The following PDZD2 variants were observed in gnomAD, a reference collection of about 807,000 sequenced individuals.
PDZD2 encodes PDZ domain containing 2.
In PDZD2, 90 loss-of-function variants were observed where a neutral mutation model predicts 220.7. The observed-to-expected ratio is 0.41, with a 90% confidence interval of 0.34 to 0.49. The LOEUF is 0.49. Among genes scored for constraint, PDZD2 ranks in the 20% least tolerant of loss-of-function variants. The pLI is 0.28. For missense variants in PDZD2, 3,174 were observed against 3,608.5 expected, an observed-to-expected ratio of 0.88 and a Z score of 3.08; for synonymous variants, 1,375 against 1,450.5, an observed-to-expected ratio of 0.95 and a Z score of 1.18.
Position 32,090,260 on chromosome 5 carries a change from T to C in PDZD2, c.6812T>C (p.Leu2271Pro). 1 of 1,614,188 alleles carries C rather than the reference T, an allele frequency of 6.2e-7. No individual in the cohort carries two copies. Among genetic ancestry groups the C allele is most frequent in the Non-Finnish European group, 8.5e-7 (1 of 1,180,028 alleles). The stretch of plus-strand genomic sequence containing the variant: ...GCATCCAGAGGTGGTCTTCCCAGCC[T>C]GGCTAATGGACAGGGCATATATAGT... ...AKASRGGLPS[L>P]ANGQGIYSVK... The change falls in exon 20 of 25, where the codon CTG becomes CCG. Residue 2271 changes from leucine (L) to proline (P), a missense_variant. By Grantham distance (98) the Leu-to-Pro change is moderately conservative (BLOSUM62 -3). Transcript: ENST00000438447. The surrounding 1 kb of genome is among the most constrained non-coding windows in gnomAD (Gnocchi z 4.3).
At position 31,771,469 on chromosome 5, in the gene PDZD2, A is replaced by G. The variant is rs540824058; in HGVS notation, c.-360-27420A>G. Among the ~76,000 whole-genome samples, 173 of 152,224 alleles carry G rather than the reference A, an allele frequency of 1.1e-3. 7 individuals carry two copies. The South Asian group carries it at 0.034, about 30-fold the overall frequency. On this transcript the variant is annotated intron_variant, in intron 1 of 24. Transcript: ENST00000438447. ...GCCACCAAGATCTATGTAGATTTGC[A>G]TTGTGTGTGCACTGTGTAGATTTGT...
chr5:31,659,956 T>C (rs1745697353), intron 1 of PDZD2, among the ~76,000 whole-genome samples: 1 of 152,162 alleles, frequency 6.6e-6, no homozygotes, highest in African/African-American at 2.4e-5. Flanking sequence ...TCATTTAAGC[T>C]CCCTAATAGA....
At chr5:31,888,087 T>TA (rs753322477) in intron 2 of PDZD2, among the ~76,000 whole-genome samples, 9 of 152,180 alleles carry the variant, frequency 5.9e-5, no homozygotes, top group Non-Finnish European at 1.3e-4. Flanking sequence ...ATGGCGCAGA[T>TA]ATTGCCCATA....
At chr5:31,725,826 A>C (rs1309785516) in intron 1 of PDZD2, 2 of 840,916 alleles carry the variant, frequency 2.4e-6, no homozygotes, top group African/African-American at 3.3e-5. Flanking sequence ...TGGTGTTTGA[A>C]TCTCTCATTG....
chr5:31,809,445 G>A (rs973377386), intron 2 of PDZD2, among the ~76,000 whole-genome samples: 26 of 152,212 alleles, frequency 1.7e-4, no homozygotes, highest in Non-Finnish European at 2.6e-4. Flanking sequence ...GGCCCTGGGA[G>A]GTGCCCCATT....
chr5:31,783,346 A>C (rs955153020), intron 1 of PDZD2, among the ~76,000 whole-genome samples: 1 of 152,142 alleles, frequency 6.6e-6, no homozygotes, highest in Non-Finnish European at 1.5e-5. Flanking sequence ...ACGGGAGGGA[A>C]GGATGAGGAC....
At chr5:31,945,180 T>C (rs1441996690) in intron 2 of PDZD2, among the ~76,000 whole-genome samples, 1 of 152,208 alleles carries the variant, frequency 6.6e-6, no homozygotes, top group Non-Finnish European at 1.5e-5. Flanking sequence ...TCTGACCGAC[T>C]ATGCCCTAAT....
chr5:32,033,117 T>C (rs1755250210), intron 6 of PDZD2, among the ~76,000 whole-genome samples: 1 of 152,212 alleles, frequency 6.6e-6, no homozygotes, highest in African/African-American at 2.4e-5. Flanking sequence ...TCATGAATAA[T>C]AGATTTTATC....
intron 1 of PDZD2, among the ~76,000 whole-genome samples, chr5:31,763,242 C>T (rs1751761207): frequency 6.6e-6 from 1 of 152,134 alleles, no homozygotes; most frequent in South Asian, 2.1e-4. Context: ...CCACAGAGCA[C>T]CTCCCTGCCA....
chr5:31,875,561 A>G (rs1006727785), intron 2 of PDZD2, among the ~76,000 whole-genome samples: 8 of 149,618 alleles, frequency 5.3e-5, no homozygotes, highest in South Asian at 2.1e-4. Flanking sequence ...ACTCCAGCCT[A>G]GGTGACAGAG....
intron 3 of PDZD2, among the ~76,000 whole-genome samples, chr5:31,989,279 A>G (rs1393880938): frequency 6.6e-6 from 1 of 152,188 alleles, no homozygotes; most frequent in Non-Finnish European, 1.5e-5. Context: ...ATGAGTGAGA[A>G]CATGGAGTAT....
At position 31,967,488 on chromosome 5, in the gene PDZD2, A is replaced by G. The variant is rs565993727; in HGVS notation, c.477-15667A>G. The stretch of plus-strand genomic sequence containing the variant: ...CCAGCAGCTCTCACAGTGGAGGAAC[A>G]TGGGAGATGTGGCAGGGGCAGTGTG... On this transcript the variant is annotated intron_variant, in intron 2 of 24. Transcript: ENST00000438447. Among the ~76,000 whole-genome samples the G allele has an allele frequency of 3.9e-5, 6 of 152,312 alleles. No individual in the cohort carries two copies. In the South Asian group the frequency reaches 1.2e-3, roughly 32 times the overall value.
At chr5:31,727,125 GT>G (rs1749194137) in intron 1 of PDZD2, among the ~76,000 whole-genome samples, 2 of 152,114 alleles carry the variant, frequency 1.3e-5, no homozygotes, top group South Asian at 4.1e-4. Context: ...CACCCCCACC[GT>G]CCAAACACCT....
intron 1 of PDZD2, among the ~76,000 whole-genome samples, chr5:31,704,977 G>C (rs777724178): frequency 5.3e-5 from 8 of 152,086 alleles, no homozygotes; most frequent in Admixed American, 6.6e-5. Flanking sequence ...CCTGGCCAAC[G>C]TGGTAAAACC....
At chr5:31,690,720 G>T (rs1257735688) in intron 1 of PDZD2, among the ~76,000 whole-genome samples, 1 of 151,926 alleles carries the variant, frequency 6.6e-6, no homozygotes, top group African/African-American at 2.4e-5. Context: ...TTGCATTTAG[G>T]GCCCGCCTGG....
intron 7 of PDZD2, among the ~76,000 whole-genome samples, chr5:32,047,090 A>G (rs777487396): frequency 5.3e-5 from 8 of 152,146 alleles, no homozygotes; most frequent in Non-Finnish European, 1.2e-4. Context: ...AAAAATGCCT[A>G]TAAATCGATA....
At chr5:31,895,620 T>C (rs1741473031) in intron 2 of PDZD2, among the ~76,000 whole-genome samples, 1 of 152,184 alleles carries the variant, frequency 6.6e-6, no homozygotes, top group Admixed American at 6.5e-5. Flanking sequence ...AAAGAGGATC[T>C]TCTCATTTGG....
chr5:31,648,877 TC>T (rs1209977915), intron 1 of PDZD2, among the ~76,000 whole-genome samples: 129 of 152,288 alleles, frequency 8.5e-4, no homozygotes, highest in African/African-American at 2.9e-3. Context: ...CCTTAGGGGT[TC>T]ACTCTTACAT....
chr5:31,645,796 A>G (rs1745113049), intron 1 of PDZD2, among the ~76,000 whole-genome samples: 1 of 152,122 alleles, frequency 6.6e-6, no homozygotes, highest in Non-Finnish European at 1.5e-5. Flanking sequence ...GTGTAGAATT[A>G]GTATTCCTAC....
Sources: allele counts gnomAD v4.1 joint callset (sites outside exome capture counted in the v4.1 genomes callset), GRCh38; gene constraint gnomAD v4.1.1; non-coding constraint Gnocchi (gnomAD v3.1); transcripts MANE v1.5; gene names NCBI Gene and HGNC (gene_info 2026-07-23, HGNC 2026-07-21).